ZBTB7C: variants seen among roughly 807,000 people sequenced by gnomAD.
ZBTB7C encodes zinc finger and BTB domain-containing protein 7C.
A neutral mutation model predicts 25.7 loss-of-function variants in ZBTB7C; 8 were observed. The observed-to-expected ratio is 0.31, with a 90% CI of 0.18 to 0.56. The LOEUF (loss-of-function observed/expected upper bound fraction) is 0.56, where lower values mean the gene tolerates loss of function less well. ZBTB7C is among the 20% of genes least tolerant of loss of function. The pLI, the probability that ZBTB7C is intolerant of heterozygous loss-of-function variation, is 0.91. For synonymous variants in ZBTB7C, 394 were observed against 369.0 expected, an observed-to-expected ratio of 1.07 and a Z score of -0.78; for missense variants, 824 against 855.2, an observed-to-expected ratio of 0.96 and a Z score of 0.46.
chr18:48,040,037 C>T lies in ZBTB7C; in HGVS notation c.1071G>A (p.Lys357=), dbSNP rs768145948. ...ACTGCTGAGAGGCCTTGGGCTTCAGCTTGCGCTCTTCTACCAGGGGCCAGG... is the reference window on the plus strand; with the variant it reads ...ACTGCTGAGAGGCCTTGGGCTTCAGTTTGCGCTCTTCTACCAGGGGCCAGG... ...FPPWPLVEER[K]LKPKASQQCP... Residue 357 remains lysine (K), a synonymous_variant, in exon 4 of 5, where the codon AAG becomes AAA. Transcript: ENST00000590800. 3.7e-5 allele frequency: 59 copies of T among 1,613,976 alleles called. No individual in the cohort carries two copies. Among genetic ancestry groups the T allele is most frequent in the Middle Eastern group, 1.6e-4 (1 of 6,084 alleles).
rs752158268 is a variant in ZBTB7C, at chr18:48,040,634, CTCCTCCTCCTCTTCG to C, written c.459_473del (p.Asp153_Glu157del). 4.5e-5 allele frequency: 73 copies of C among 1,609,912 alleles called. No individual in the cohort carries two copies. The highest frequency in any genetic ancestry group is 3.8e-4 in the East Asian group (17 of 44,610). ...CATCATCGTCATCCTCCTCCTCTTC[CTCCTCCTCCTCTTCG>C]TCCTCCTCATCATCATCATCTTCGT... On this transcript the variant is annotated inframe_deletion, in exon 4 of 5. Transcript: ENST00000590800.
chr18:48,029,213 G>A lies in ZBTB7C; in HGVS notation c.*47C>T. The stretch of plus-strand genomic sequence containing the variant: ...TGGGGTAGGGTAGAGTGGGCCTGGA[G>A]GGAGAAGGACTGGAGGGCTGGTGGG... On this transcript the variant is annotated 3_prime_UTR_variant, in exon 5 of 5. Transcript: ENST00000590800. The A allele has an allele frequency of 3.3e-6, 5 of 1,503,220 alleles. No homozygotes were observed. Among genetic ancestry groups the A allele is most frequent in the South Asian group, 1.3e-5 (1 of 79,072 alleles). The allele number at this position is 1,503,220 out of a possible 1,614,324, so 93.1% of individuals were successfully genotyped here. A position where few individuals can be genotyped will look rare whatever the true frequency, so the allele number is the denominator to read the frequency against.
intron 3 of ZBTB7C, among the ~76,000 whole-genome samples, chr18:48,053,844 G>A (rs915187343): frequency 4.6e-5 from 7 of 152,194 alleles, no homozygotes; most frequent in Admixed American, 3.3e-4. Flanking sequence ...TGGGGTGCCT[G>A]GGGTCAGAGG....
In ZBTB7C at chr18:48,185,945, C is replaced by A. The variant is rs1269293193; in HGVS notation, c.-28G>T. The A allele has an allele frequency of 6.6e-6, 1 of 152,234 alleles. No individual in the cohort carries two copies. The highest frequency in any genetic ancestry group is 6.5e-5 in the Admixed American group (1 of 15,294). The allele number at this position is 152,234 out of a possible 1,614,324, so 9.4% of individuals were successfully genotyped here. A position where few individuals can be genotyped will look rare whatever the true frequency, so the allele number is the denominator to read the frequency against. On this transcript the variant is annotated 5_prime_UTR_variant, in exon 3 of 5. Coordinates refer to ENST00000590800, the MANE Select transcript of ZBTB7C (RefSeq NM_001318841.2). ...AAATTCATACTCACAAGCACCGATG[C>A]CTTAGTTTTAAATTTCAGGACACCA...
At chr18:48,065,332 C>T (rs2037286278) in intron 3 of ZBTB7C, among the ~76,000 whole-genome samples, 1 of 152,008 alleles carries the variant, frequency 6.6e-6, no homozygotes, top group Non-Finnish European at 1.5e-5. Context: ...CTCTCTCTCT[C>T]TCTCACACAC....
chr18:48,103,001 T>C (rs1046770740), intron 3 of ZBTB7C, among the ~76,000 whole-genome samples: 1 of 150,130 alleles, frequency 6.7e-6, no homozygotes, highest in Admixed American at 6.7e-5. Flanking sequence ...AAGACAAATA[T>C]AAGACAGGGA....
intron 2 of ZBTB7C, among the ~76,000 whole-genome samples, chr18:48,318,941 C>T (rs922453676): frequency 6.6e-6 from 1 of 152,134 alleles, no homozygotes; most frequent in African/African-American, 2.4e-5. Flanking sequence ...AGGTTCTGAG[C>T]CCCCACCCCT....
chr18:48,262,219 C>G (rs1444729672), intron 2 of ZBTB7C, among the ~76,000 whole-genome samples: 1 of 152,208 alleles, frequency 6.6e-6, no homozygotes, highest in Non-Finnish European at 1.5e-5. Flanking sequence ...GAGAGGACGG[C>G]AGAGCTGGAT....
intron 3 of ZBTB7C, among the ~76,000 whole-genome samples, chr18:48,089,917 A>G (rs748370272): frequency 1.3e-5 from 2 of 152,236 alleles, no homozygotes; most frequent in African/African-American, 2.4e-5. Context: ...CAGGGTTGAC[A>G]CTGGCCCTTC....
intron 2 of ZBTB7C, among the ~76,000 whole-genome samples, chr18:48,334,898 T>C (rs1598895529): frequency 6.6e-6 from 1 of 152,246 alleles, no homozygotes; most frequent in Non-Finnish European, 1.5e-5. Context: ...TGGGATGACT[T>C]GGGACCTGGA....
intron 2 of ZBTB7C, among the ~76,000 whole-genome samples, chr18:48,251,686 C>T (rs1373718815): frequency 6.6e-6 from 1 of 152,190 alleles, no homozygotes; most frequent in African/African-American, 2.4e-5. Flanking sequence ...GTAGAGAACC[C>T]AATCTGCATA....
chr18:48,351,478 A>C (rs2046860768), intron 1 of ZBTB7C, among the ~76,000 whole-genome samples: 1 of 152,162 alleles, frequency 6.6e-6, no homozygotes, highest in Non-Finnish European at 1.5e-5. Context: ...TGGTTTCCCC[A>C]GTGGGGAAAG....
rs192960456 is a variant in ZBTB7C, at chr18:48,384,653, A to T, written c.-304+24573T>A. 3.3e-3 allele frequency among the ~76,000 whole-genome samples: 502 copies of T among 152,110 alleles called. 1 individual carries two copies. The highest frequency in any genetic ancestry group is 0.014 in the Middle Eastern group (4 of 294). ...TTTGCAATTTTTTTTTTAGCTTATC[A>T]GCTATCATTAGTGTTTAGTGTTTTT... On this transcript the variant is annotated intron_variant, in intron 1 of 4. Transcript: ENST00000590800.
chr18:48,264,822 A>G (rs1054046773), intron 2 of ZBTB7C, among the ~76,000 whole-genome samples: 8 of 152,208 alleles, frequency 5.3e-5, no homozygotes, highest in Non-Finnish European at 1.2e-4. Flanking sequence ...CTACCTTCAC[A>G]GGGCACTTTG....
chr18:48,215,002 G>T (rs1449696436), intron 2 of ZBTB7C, among the ~76,000 whole-genome samples: 1 of 152,138 alleles, frequency 6.6e-6, no homozygotes, highest in East Asian at 1.9e-4. Context: ...TAGCCATCTT[G>T]TTGCATATAT....
chr18:48,411,863 C>T (rs1316051708), upstream of ZBTB7C, among the ~76,000 whole-genome samples: 1 of 152,212 alleles, frequency 6.6e-6, no homozygotes, highest in Admixed American at 6.5e-5. Context: ...ATAGCTTTAG[C>T]TCATGGAATA....
intron 1 of ZBTB7C, among the ~76,000 whole-genome samples, chr18:48,408,155 C>G (rs1028748965): frequency 6.6e-6 from 1 of 152,252 alleles, no homozygotes; most frequent in African/African-American, 2.4e-5. Context: ...CCCAGCTCCC[C>G]TCGGCCTTGC....
At chr18:48,240,494 T>C (rs1056830930) in intron 2 of ZBTB7C, among the ~76,000 whole-genome samples, 3 of 152,198 alleles carry the variant, frequency 2.0e-5, no homozygotes, top group Non-Finnish European at 4.4e-5. Context: ...TAACTGCAGA[T>C]TTCTCAGCAG....
intron 4 of ZBTB7C, among the ~76,000 whole-genome samples, chr18:48,034,052 C>T (rs1297152237): frequency 2.6e-5 from 4 of 152,132 alleles, no homozygotes; most frequent in Non-Finnish European, 5.9e-5. Context: ...ATTCAATCTG[C>T]CTGTGGAAGC....
Sources: allele counts gnomAD v4.1 joint callset (sites outside exome capture counted in the v4.1 genomes callset), GRCh38; gene constraint gnomAD v4.1.1; transcripts MANE v1.5; gene names NCBI Gene and HGNC (gene_info 2026-07-23, HGNC 2026-07-21).